Variants in WWOX observed in about 807,000 individuals in gnomAD.
WWOX encodes the protein WW domain containing oxidoreductase, also known as WW domain-containing oxidoreductase.
WWOX carries 69 observed loss-of-function variants against 46.2 expected under a neutral mutation model. The observed-to-expected ratio is 1.49, with a 90% confidence interval of 1.23 to 1.82. The LOEUF (loss-of-function observed/expected upper bound fraction) is 1.82. WWOX is among the 40% of genes most tolerant of loss of function. The pLI is 0.00. For missense variants in WWOX, 919 were observed against 542.6 expected (o/e 1.69, Z -6.89); for synonymous variants, 359 against 202.6 (o/e 1.77, Z -6.56).
At chr16:79,028,863 G>C (rs546187476) in intron 8 of WWOX, among the ~76,000 whole-genome samples, 1 of 150,820 alleles carries the variant, frequency 6.6e-6, no homozygotes, top group African/African-American at 2.5e-5. Flanking sequence ...TCTGAAAACT[G>C]GGAAGAGATC....
chr16:78,171,819 T>A (rs1054736746), intron 5 of WWOX, among the ~76,000 whole-genome samples: 3 of 152,164 alleles, frequency 2.0e-5, no homozygotes, highest in Non-Finnish European at 2.9e-5. Context: ...CTTGCTCAAG[T>A]CAATAAGCGC....
chr16:78,577,046 A>T (rs568028908), intron 8 of WWOX, among the ~76,000 whole-genome samples: 25 of 152,252 alleles, frequency 1.6e-4, no homozygotes, highest in Admixed American at 1.4e-3. Context: ...GCCCCATTTC[A>T]CCCATCTCAT....
chr16:78,596,635 G>C (rs910920813), intron 8 of WWOX, among the ~76,000 whole-genome samples: 1 of 152,186 alleles, frequency 6.6e-6, no homozygotes. Flanking sequence ...CTGATTTCAA[G>C]GTCCATTTGT....
chr16:78,220,465 C>T (rs1156487430), intron 5 of WWOX, among the ~76,000 whole-genome samples: 1 of 152,062 alleles, frequency 6.6e-6, no homozygotes, highest in African/African-American at 2.4e-5. Flanking sequence ...GGCTTTCTGA[C>T]TATATTTTTA....
intron 6 of WWOX, among the ~76,000 whole-genome samples, chr16:78,408,433 T>G (rs1205509146): frequency 6.6e-6 from 1 of 152,144 alleles, no homozygotes; most frequent in Non-Finnish European, 1.5e-5. Context: ...CCACATTCCC[T>G]CTCCACTGAG....
At chr16:78,662,809 G>A (rs1042691122) in intron 8 of WWOX, among the ~76,000 whole-genome samples, 5 of 152,074 alleles carry the variant, frequency 3.3e-5, no homozygotes, top group African/African-American at 1.2e-4. Context: ...CCTGGGCTCT[G>A]GGACTCAGCT....
At chr16:78,372,088 G>C (rs2081703839) in intron 5 of WWOX, among the ~76,000 whole-genome samples, 1 of 152,158 alleles carries the variant, frequency 6.6e-6, no homozygotes, top group South Asian at 2.1e-4. Context: ...GAAGGAGACT[G>C]GGCAATGAAT....
At chr16:78,965,986 C>G (rs1267756349) in intron 8 of WWOX, among the ~76,000 whole-genome samples, 1 of 152,182 alleles carries the variant, frequency 6.6e-6, no homozygotes, top group African/African-American at 2.4e-5. Flanking sequence ...TGATTTGGTT[C>G]TGCACCTGAG....
At chr16:78,386,396 C>G (rs2082061115) in intron 5 of WWOX, among the ~76,000 whole-genome samples, 1 of 152,190 alleles carries the variant, frequency 6.6e-6, no homozygotes, top group East Asian at 1.9e-4. Flanking sequence ...TTTGTACTTT[C>G]TATAAAGGAG....
intron 8 of WWOX, among the ~76,000 whole-genome samples, chr16:78,671,422 C>T (rs900711593): frequency 1.3e-5 from 2 of 152,126 alleles, no homozygotes; most frequent in East Asian, 3.9e-4. Flanking sequence ...GAGACTGTGT[C>T]TCAAAAATTA....
intron 8 of WWOX, among the ~76,000 whole-genome samples, chr16:78,899,962 C>A (rs567117233): frequency 6.6e-6 from 1 of 151,832 alleles, no homozygotes; most frequent in African/African-American, 2.4e-5. Context: ...ACTAATTAAG[C>A]CTTGATAATT....
At chr16:78,438,300 C>G (rs1024836134) in intron 8 of WWOX, among the ~76,000 whole-genome samples, 1 of 152,118 alleles carries the variant, frequency 6.6e-6, no homozygotes, top group African/African-American at 2.4e-5. Context: ...GATATACCAG[C>G]CTTGTAAACT....
intron 5 of WWOX, among the ~76,000 whole-genome samples, chr16:78,302,075 C>G (rs1330257986): frequency 6.6e-6 from 1 of 151,936 alleles, no homozygotes; most frequent in African/African-American, 2.4e-5. Context: ...ATTCTCCTGC[C>G]TCAGCCTCTC....
intron 8 of WWOX, among the ~76,000 whole-genome samples, chr16:78,703,044 T>C (rs1313989955): frequency 2.0e-5 from 3 of 152,102 alleles, no homozygotes; most frequent in East Asian, 1.9e-4. Flanking sequence ...AATCTTGCAG[T>C]GCTTGTTGGG....
intron 8 of WWOX, among the ~76,000 whole-genome samples, chr16:78,439,922 C>T (rs2083409227): frequency 6.6e-6 from 1 of 152,192 alleles, no homozygotes; most frequent in Admixed American, 6.5e-5. Context: ...CTCCTCATTG[C>T]ATGCCTTTTT....
At chr16:78,646,416 A>G (rs1332106961) in intron 8 of WWOX, among the ~76,000 whole-genome samples, 1 of 151,512 alleles carries the variant, frequency 6.6e-6, no homozygotes, top group Non-Finnish European at 1.5e-5. Flanking sequence ...CTAACACTCA[A>G]CGCAATTTAT....
At chr16:78,186,797 A>G (rs966117447) in intron 5 of WWOX, among the ~76,000 whole-genome samples, 6 of 152,196 alleles carry the variant, frequency 3.9e-5, no homozygotes, top group South Asian at 2.1e-4. Context: ...TTTGTTTTAA[A>G]ATAAGTTTAG....
intron 5 of WWOX, among the ~76,000 whole-genome samples, chr16:78,363,666 C>T (rs1250982660): frequency 1.3e-5 from 2 of 152,192 alleles, no homozygotes; most frequent in African/African-American, 2.4e-5. Flanking sequence ...ATATACTTGA[C>T]CACCACCATT....
chr16:78,550,385 T>G (rs1442381293), intron 8 of WWOX, among the ~76,000 whole-genome samples: 1 of 152,188 alleles, frequency 6.6e-6, no homozygotes, highest in Non-Finnish European at 1.5e-5. Flanking sequence ...AGCACATAGA[T>G]AATCTATAAG....
Sources: gnomAD v4.1 joint callset for allele counts (sites outside exome capture counted in the v4.1 genomes callset) on GRCh38, gnomAD v4.1.1 for gene constraint, MANE v1.5 for transcripts, NCBI Gene and HGNC (gene_info 2026-07-23, HGNC 2026-07-21) for gene names.